The following OTOG variants were observed in gnomAD, a reference collection of about 807,000 sequenced individuals.
The protein encoded by OTOG is otogelin.
OTOG carries 296 observed loss-of-function variants against 313.8 expected under a neutral mutation model. The ratio of observed to expected loss-of-function variants is 0.94; its 90% confidence interval spans 0.86 to 1.04. The LOEUF (loss-of-function observed/expected upper bound fraction) is 1.04. Among genes scored for constraint, OTOG ranks in the 50% least tolerant of loss-of-function variants. OTOG has a pLI of 0.00. For missense variants in OTOG, 3,948 were observed against 3,840.1 expected, an observed-to-expected ratio of 1.03 and a Z score of -0.74; for synonymous variants, 1,533 against 1,554.9, an observed-to-expected ratio of 0.99 and a Z score of 0.33.
chr11:17,555,864 A>G lies in OTOG; in HGVS notation c.626A>G (p.His209Arg). The G allele has an allele frequency of 1.3e-6, 2 of 1,551,088 alleles. No individual in the cohort carries two copies. Among genetic ancestry groups the G allele is most frequent in the African/African-American group, 1.4e-5 (1 of 73,164 alleles). The change falls in exon 7 of 56, where the codon CAT becomes CGT. Residue 209 changes from histidine to arginine, a missense_variant. Coordinates refer to ENST00000399397, the MANE Select transcript of OTOG (RefSeq NM_001292063.2). ...SLFFVGEQEI[H>R]LAKEVTHGGM... ...TTCTTTGTGGGTGAGCAGGAGATCC[A>G]TCTGGCCAAGGAGGTCACCCATGGA...
chr11:17,614,178 G>C (rs549030677), intron 39 of OTOG, among the ~76,000 whole-genome samples: 1 of 152,174 alleles, frequency 6.6e-6, no homozygotes, highest in Non-Finnish European at 1.5e-5. Flanking sequence ...CTCTCCAGAG[G>C]GCCCACCTTT....
intron 35 of OTOG, 101 bp from the exon 36 acceptor site, chr11:17,609,553 CG>C (rs1390908001): frequency 5.5e-6 from 6 of 1,098,894 alleles, no homozygotes; most frequent in Non-Finnish European, 7.7e-6. Flanking sequence ...ACCCCATCAC[CG>C]AGAGTGCCAG....
At chr11:17,613,799 C>A in intron 39 of OTOG, 98 bp downstream of exon 39, 6 of 969,592 alleles carry the variant, frequency 6.2e-6, no homozygotes, top group South Asian at 1.4e-5. Context: ...AATCATGATT[C>A]AGGGCAGGGG....
At chr11:17,609,321 A>T (rs1565115856) in intron 35 of OTOG, 112 bp downstream of exon 35, 2 of 991,874 alleles carry the variant, frequency 2.0e-6, no homozygotes, top group East Asian at 2.6e-5. Flanking sequence ...AGATCAGCAC[A>T]GGGACCTTTG....
Position 17,573,110 on chromosome 11 carries a change from A to T in OTOG, c.2113A>T (p.Thr705Ser). The T allele has an allele frequency of 1.3e-6, 2 of 1,548,282 alleles. No homozygotes were observed. Among genetic ancestry groups the T allele is most frequent in the Non-Finnish European group, 8.7e-7 (1 of 1,146,946 alleles). ...CTCAGTGCAGGCCTGCAGCGTGCTC[A>T]CGGGGGAGATGTTTGCGCCCTGCTC... The part of the protein sequence containing the change: ...SYSVQACSVL[T>S]GEMFAPCSAF... The change falls in exon 19 of 56, where the codon ACG becomes TCG. Residue 705 changes from threonine to serine, a missense_variant. Coordinates refer to ENST00000399397, the MANE Select transcript of OTOG (RefSeq NM_001292063.2).
rs570405450 is a variant in OTOG at position 17,567,557 on chromosome 11, C to T, written c.1645-1599C>T. Among the ~76,000 whole-genome samples the T allele has an allele frequency of 2.0e-5, 3 of 152,300 alleles. No individual in the cohort carries two copies. In the South Asian group the frequency reaches 6.2e-4, roughly 32 times the overall value. The stretch of plus-strand genomic sequence containing the variant: ...ACAGGGTCTCTGTATGTTGAGCAGG[C>T]TGGTCTTGAACTCCTGGGCTTAAGC... On this transcript the variant is annotated intron_variant, in intron 15 of 55. Coordinates refer to ENST00000399397, the MANE Select transcript of OTOG (RefSeq NM_001292063.2).
At chr11:17,592,017 A>G (rs2134058564) in intron 25 of OTOG, among the ~76,000 whole-genome samples, 1 of 152,346 alleles carries the variant, frequency 6.6e-6, no homozygotes, top group East Asian at 1.9e-4. Flanking sequence ...AACTTGCCCA[A>G]GGTCACACAG....
At chr11:17,595,891 C>A in intron 28 of OTOG, 147 bp from the exon 29 acceptor site, 1 of 650,026 alleles carries the variant, frequency 1.5e-6, no homozygotes, top group Non-Finnish European at 2.8e-6. Context: ...GGTATAGGTC[C>A]CTTCTACACT....
intron 28 of OTOG, among the ~76,000 whole-genome samples, chr11:17,595,107 G>A (rs1366423913): frequency 6.6e-6 from 1 of 152,198 alleles, no homozygotes; most frequent in East Asian, 1.9e-4. Flanking sequence ...GGTAAGGGAA[G>A]CAGTCGTGCA....
intron 40 of OTOG, 23 bp from the exon 41 acceptor site, chr11:17,631,679 T>G: frequency 6.5e-7 from 1 of 1,534,794 alleles, no homozygotes; most frequent in Admixed American, 2.0e-5. Context: ...TCGTGGCTGT[T>G]GGGATTGTTT....
intron 44 of OTOG, 94 bp from the exon 45 acceptor site, chr11:17,634,750 G>T (rs546543336): frequency 9.4e-7 from 1 of 1,061,834 alleles, no homozygotes; most frequent in Non-Finnish European, 1.4e-6. Flanking sequence ...GGGGCCAGGC[G>T]TCCAGGGGTT....
intron 39 of OTOG, among the ~76,000 whole-genome samples, chr11:17,628,404 T>C (rs1009311143): frequency 1.3e-5 from 2 of 152,218 alleles, no homozygotes; most frequent in Non-Finnish European, 2.9e-5. Context: ...TCTTAATCTT[T>C]TTATATTCCA....
rs56402246 is a variant in OTOG, at chr11:17,548,418, C to CTTTTTT, written c.216+239_216+244dup. Among the ~76,000 whole-genome samples the CTTTTTT allele has an allele frequency of 2.5e-4, 22 of 87,618 alleles. 4 individuals are homozygous for CTTTTTT. Among genetic ancestry groups the CTTTTTT allele is most frequent in the East Asian group, 1.5e-3 (5 of 3,402 alleles). 57.5% of individuals were successfully genotyped at this position (87,618 alleles called of 152,430 possible). A position where few individuals can be genotyped will look rare whatever the true frequency, so the allele number is the denominator to read the frequency against. The stretch of plus-strand genomic sequence containing the variant: ...ATCTCTTGGGGGTCTATAGTCCACT[C>CTTTTTT]TTTTTTTTTTTTTTTTTTTTTTTTT... On this transcript the variant is annotated intron_variant, in intron 3 of 55. Coordinates refer to ENST00000399397, the MANE Select transcript of OTOG (RefSeq NM_001292063.2).
At position 17,612,262 on chromosome 11, in the gene OTOG, G is replaced by A. The variant is rs925550621; in HGVS notation, c.6224G>A (p.Arg2075His). The A allele has an allele frequency of 5.8e-6, 9 of 1,546,276 alleles. No homozygotes were observed. Among genetic ancestry groups the A allele is most frequent in the Admixed American group, 2.0e-5 (1 of 50,988 alleles). Residue 2075 changes from arginine (R) to histidine (H), a missense_variant, in exon 37 of 56, where the codon CGC becomes CAC. Arg to His is a conservative substitution (Grantham distance 29). Transcript: ENST00000399397. ...QHCPQGAAPP[R>H]CGILGLAVRV... ...TGTCCCCAGGGTGCTGCTCCCCCTCGCTGTGGGATCCTGGGCCTCGCCGTG... is the reference window on the plus strand; with the variant it reads ...TGTCCCCAGGGTGCTGCTCCCCCTCACTGTGGGATCCTGGGCCTCGCCGTG...
intron 23 of OTOG, among the ~76,000 whole-genome samples, chr11:17,584,844 A>G (rs1852757127): frequency 6.6e-6 from 1 of 152,212 alleles, no homozygotes; most frequent in African/African-American, 2.4e-5. Flanking sequence ...GATTTTATTT[A>G]TTGGAGTATC....
intron 39 of OTOG, among the ~76,000 whole-genome samples, chr11:17,624,533 C>T (rs532481767): frequency 6.6e-6 from 1 of 152,274 alleles, no homozygotes; most frequent in African/African-American, 2.4e-5. Context: ...TGTACCAGTA[C>T]TATGCTGTTT....
At chr11:17,581,503 A>G (rs1852664549) in intron 23 of OTOG, among the ~76,000 whole-genome samples, 1 of 152,224 alleles carries the variant, frequency 6.6e-6, no homozygotes, top group Non-Finnish European at 1.5e-5. Flanking sequence ...ATAGAAAAAT[A>G]CAACAGAAAC....
chr11:17,607,691 T>G (rs1430029301), intron 33 of OTOG, among the ~76,000 whole-genome samples: 1 of 152,200 alleles, frequency 6.6e-6, no homozygotes, highest in East Asian at 1.9e-4. Flanking sequence ...TCAGGGGCCC[T>G]CTGGGAACAG....
intron 39 of OTOG, among the ~76,000 whole-genome samples, chr11:17,618,495 C>T (rs931365152): frequency 2.0e-5 from 3 of 152,112 alleles, no homozygotes; most frequent in African/African-American, 7.2e-5. Context: ...TATTTTATGT[C>T]CGAGAATATG....
Sources: gnomAD v4.1 joint callset for allele counts (sites outside exome capture counted in the v4.1 genomes callset) on GRCh38, gnomAD v4.1.1 for gene constraint, MANE v1.5 for transcripts, NCBI Gene and HGNC (gene_info 2026-07-23, HGNC 2026-07-21) for gene names.